The following RABGAP1 variants were observed in gnomAD, a reference collection of about 807,000 sequenced individuals.
The protein encoded by RABGAP1 is RAB GTPase activating protein 1, also known as rab GTPase-activating protein 1.
A neutral mutation model predicts 137.6 loss-of-function variants in RABGAP1; 23 were observed. The ratio of observed to expected loss-of-function variants is 0.17; its 90% CI spans 0.12 to 0.24. The LOEUF is 0.24. Among genes scored for constraint, RABGAP1 ranks in the 10% least tolerant of loss-of-function variants. The pLI is 1.00. For missense variants in RABGAP1, 906 were observed against 1,275.8 expected (o/e 0.71, Z 4.42); for synonymous variants, 451 against 450.7 (o/e 1.00, Z -0.01).
intron 1 of RABGAP1, among the ~76,000 whole-genome samples, chr9:122,943,353 G>C (rs1833728870): frequency 6.6e-6 from 1 of 152,142 alleles, no homozygotes; most frequent in Non-Finnish European, 1.5e-5. Context: ...ACAGGCGTGA[G>C]CCACTGCGCC....
chr9:123,004,860 C>G (rs1408727404), intron 10 of RABGAP1, among the ~76,000 whole-genome samples: 1 of 151,602 alleles, frequency 6.6e-6, no homozygotes, highest in Non-Finnish European at 1.5e-5. Context: ...AGTTCAAGAC[C>G]AGCCTGACCA....
At chr9:123,077,163 TG>T (rs1460774859) in intron 19 of RABGAP1, among the ~76,000 whole-genome samples, 13,783 of 81,452 alleles carry the variant, frequency 0.17, 1,946 homozygotes, top group African/African-American at 0.35. Context: ...TTTTTGTTTT[TG>T]TTTTTTTTTT....
chr9:123,097,054 G>C (rs1445582733), intron 21 of RABGAP1, among the ~76,000 whole-genome samples: 1 of 152,190 alleles, frequency 6.6e-6, no homozygotes, highest in Non-Finnish European at 1.5e-5. Context: ...TAGTCCTTGA[G>C]TCTTCTCTAA....
Position 122,998,680 on chromosome 9 carries a change from G to T in RABGAP1, c.1288G>T (p.Val430Phe). The T allele has an allele frequency of 1.9e-6, 3 of 1,612,296 alleles. No homozygotes were observed. The highest frequency in any genetic ancestry group is 2.5e-6 in the Non-Finnish European group (3 of 1,178,400). ...TGTTCGATTTCTCCTGGAGACAAAA[G>T]TCCGCGTTTGCTCACCTAATGAAAG... Reference protein sequence around the residue: ...EPVRFLLETKVRVCSPNERLF... With the variant: ...EPVRFLLETKFRVCSPNERLF... Residue 430 changes from valine (V) to phenylalanine (F), a missense_variant, in exon 10 of 26, where the codon GTC becomes TTC. Coordinates refer to ENST00000373647, the MANE Select transcript of RABGAP1 (RefSeq NM_012197.4).
chr9:123,053,636 G>C (rs1226777179), intron 13 of RABGAP1, among the ~76,000 whole-genome samples: 1 of 152,212 alleles, frequency 6.6e-6, no homozygotes, highest in African/African-American at 2.4e-5. Context: ...ATGTATTGGA[G>C]TGGGTTTTGG....
chr9:122,934,598 C>T, the RABGAP1 span, among the ~76,000 whole-genome samples: 3 of 151,952 alleles, frequency 2.0e-5, no homozygotes, highest in African/African-American at 7.3e-5. Flanking sequence ...AACTCCTGAG[C>T]TCAAGTGGTC....
chr9:122,953,620 C>T (rs560144909), intron 1 of RABGAP1, among the ~76,000 whole-genome samples: 203 of 152,288 alleles, frequency 1.3e-3, no homozygotes, highest in African/African-American at 4.7e-3. Flanking sequence ...AGGATGGTCT[C>T]GATCTCTTGA....
intron 13 of RABGAP1, chr9:123,034,855 G>A (rs2032530373): frequency 6.8e-6 from 11 of 1,614,084 alleles, no homozygotes; most frequent in Non-Finnish European, 8.5e-6. Flanking sequence ...CCTTCCAGTA[G>A]AGGAGTCCTT....
chr9:123,086,215 A>G (rs1430770713), intron 19 of RABGAP1, among the ~76,000 whole-genome samples: 1 of 152,210 alleles, frequency 6.6e-6, no homozygotes, highest in African/African-American at 2.4e-5. Context: ...GGTGAATAGG[A>G]GTGAGCCAGG....
At chr9:122,999,819 A>G (rs952359764) in intron 10 of RABGAP1, among the ~76,000 whole-genome samples, 10 of 150,266 alleles carry the variant, frequency 6.7e-5, no homozygotes, top group African/African-American at 2.5e-4. Context: ...GTAATTATGT[A>G]TATTTTAGAG....
chr9:122,952,449 G>T (rs945860444), intron 1 of RABGAP1, among the ~76,000 whole-genome samples: 3 of 151,504 alleles, frequency 2.0e-5, no homozygotes, highest in African/African-American at 2.4e-5. Context: ...TTTGTATTTT[G>T]AGTAGAGACG....
intron 2 of RABGAP1, among the ~76,000 whole-genome samples, chr9:122,959,076 A>T (rs1201347471): frequency 1.3e-5 from 2 of 152,104 alleles, no homozygotes; most frequent in Non-Finnish European, 2.9e-5. Flanking sequence ...AGTAAAACTT[A>T]AAAAAATTAA....
Position 122,948,042 on chromosome 9 carries a change from A to AACACACAC in RABGAP1, c.-50+6983_-50+6990dup, listed in dbSNP as rs55683114. On this transcript the variant is annotated intron_variant, in intron 1 of 25. Transcript: ENST00000373647. ...GTGAAACAAAGTTCAGAGCCAGGAA[A>AACACACAC]ACACACACACACACACACACACACA... Among the ~76,000 whole-genome samples, 828 of 146,012 alleles carry AACACACAC rather than the reference A, an allele frequency of 5.7e-3. 6 individuals carry two copies. Among genetic ancestry groups the AACACACAC allele is most frequent in the African/African-American group, 0.017 (645 of 38,190 alleles).
intron 1 of RABGAP1, among the ~76,000 whole-genome samples, chr9:122,944,914 C>T (rs865890484): frequency 6.6e-6 from 1 of 151,796 alleles, no homozygotes; most frequent in Non-Finnish European, 1.5e-5. Context: ...CTTCAGGGAT[C>T]GTTCCTATAG....
At chr9:123,010,668 A>G (rs2030729753) in intron 11 of RABGAP1, 140 bp downstream of exon 11, 3 of 802,924 alleles carry the variant, frequency 3.7e-6, no homozygotes, top group Admixed American at 3.3e-5. Flanking sequence ...ACTATATGTA[A>G]GTAGCTGTGG....
chr9:123,070,526 T>G lies in RABGAP1; in HGVS notation c.1983+102T>G. 6.5e-7 allele frequency: 1 copy of G among 1,533,018 alleles called. No homozygotes were observed. The highest frequency in any genetic ancestry group is 8.7e-7 in the Non-Finnish European group (1 of 1,143,318). 95.0% of individuals were successfully genotyped at this position (1,533,018 alleles called of 1,614,324 possible). ...TTTATATTGGGTTTGGACAGACTCT[T>G]AAGGCATGAATTTTAACACCTATAG... On this transcript the variant is annotated intron_variant, in intron 15 of 25. Coordinates refer to ENST00000373647, the MANE Select transcript of RABGAP1 (RefSeq NM_012197.4). This position sits in a 1 kb window ranked among gnomAD's most constrained non-coding sequence, Gnocchi z 4.4.
chr9:123,043,647 A>C (rs986064439), intron 13 of RABGAP1, among the ~76,000 whole-genome samples: 3 of 145,472 alleles, frequency 2.1e-5, no homozygotes, highest in African/African-American at 7.8e-5. Flanking sequence ...GGTGAGGGGA[A>C]GGAGGGTGGG....
intron 1 of RABGAP1, among the ~76,000 whole-genome samples, chr9:122,948,258 G>A (rs1384672818): frequency 1.3e-5 from 2 of 152,090 alleles, no homozygotes; most frequent in Non-Finnish European, 2.9e-5. Flanking sequence ...CCAGATTTGT[G>A]TTTTAGAAGG....
intron 10 of RABGAP1, among the ~76,000 whole-genome samples, chr9:123,007,441 G>A (rs972287261): frequency 2.8e-5 from 4 of 145,154 alleles, no homozygotes; most frequent in Admixed American, 7.1e-5. Flanking sequence ...ACAGTGGAAC[G>A]ATCTCAGCTC....
Sources: gnomAD v4.1 joint callset for allele counts (sites outside exome capture counted in the v4.1 genomes callset) on GRCh38, gnomAD v4.1.1 for gene constraint, Gnocchi (gnomAD v3.1) non-coding constraint, MANE v1.5 for transcripts, NCBI Gene and HGNC (gene_info 2026-07-23, HGNC 2026-07-21) for gene names.